The following DDX3X variants were observed in gnomAD, a reference collection of about 807,000 sequenced individuals.
DDX3X encodes the protein DEAD-box helicase 3 X-linked.
A neutral mutation model predicts 52.7 loss-of-function variants in DDX3X; 4 were observed. The observed-to-expected ratio is 0.08, with a 90% confidence interval of 0.04 to 0.17. The LOEUF (loss-of-function observed/expected upper bound fraction) is 0.17, where lower values mean the gene tolerates loss of function less well. Ranked by LOEUF, DDX3X falls within the 10% of genes least tolerant of loss-of-function variation. The probability of loss-of-function intolerance (pLI) is 1.00; values close to 1 mark genes in which losing one functional copy is unlikely to be tolerated. For missense variants in DDX3X, 222 were observed against 548.6 expected (o/e 0.40, Z 5.95); for synonymous variants, 192 against 178.1 (o/e 1.08, Z -0.62).
At position 41,348,481 on chromosome X, in the gene DDX3X, G is replaced by A. The variant is rs2063954243; in HGVS notation, c.*762G>A. 1 of 112,529 alleles carries A rather than the reference G, an allele frequency of 8.9e-6. No individual in the cohort carries two copies. 9.3% of individuals were successfully genotyped at this position (112,529 alleles called of 1,213,427 possible). A position where few individuals can be genotyped will look rare whatever the true frequency, so the allele number is the denominator to read the frequency against. The stretch of plus-strand genomic sequence containing the variant: ...TAAATACAGCAATTCCTCTTTCAAC[G>A]TTTAGGCAGATCATTAATTATGAGC... On this transcript the variant is annotated 3_prime_UTR_variant, in exon 17 of 17. Transcript: ENST00000644876.
intron 5 of DDX3X, among the ~76,000 whole-genome samples, chrX:41,356,676 G>C (rs1186967394): frequency 9.2e-6 from 1 of 108,725 alleles, no homozygotes; most frequent in East Asian, 2.9e-4. Flanking sequence ...GTGTTGGTCA[G>C]GGTGGTCTTG....
Position 41,347,678 on chromosome X carries a change from G to A in DDX3X, c.1948G>A (p.Gly650Arg). 8.3e-7 allele frequency: 1 copy of A among 1,202,946 alleles called. No individual in the cohort carries two copies. Among genetic ancestry groups the A allele is most frequent in the East Asian group, 3.0e-5 (1 of 33,783 alleles). The change falls in exon 17 of 17, where the codon GGA becomes AGA. Residue 650 changes from glycine to arginine, a missense_variant. By Grantham distance (125) the Gly-to-Arg change is moderately radical (BLOSUM62 -2). Coordinates refer to ENST00000644876, the MANE Select transcript of DDX3X (RefSeq NM_001356.5). ...GGFYNSDGYGGNYNSQGVDWW... is the reference protein window; with the variant it reads ...GGFYNSDGYGRNYNSQGVDWW... ...CTTTTACAACAGTGATGGATATGGAGGAAATTATAACTCCCAGGGGGTTGA... is the reference window on the plus strand; with the variant it reads ...CTTTTACAACAGTGATGGATATGGAAGAAATTATAACTCCCAGGGGGTTGA...
intron 12 of DDX3X, chrX:41,345,766 G>T: frequency 2.6e-6 from 1 of 389,483 alleles, no homozygotes; most frequent in Non-Finnish European, 4.4e-6. Flanking sequence ...ACTTAGTGTG[G>T]ACACCTGATA....
intron 1 of DDX3X, chrX:41,334,693 C>T: frequency 2.0e-6 from 2 of 1,012,883 alleles, no homozygotes; most frequent in Non-Finnish European, 2.6e-6. Flanking sequence ...GGGCTTCGGC[C>T]TTCACGGCTG....
chrX:41,356,456 T>A (rs1293783409), intron 5 of DDX3X, among the ~76,000 whole-genome samples: 1 of 83,655 alleles, frequency 1.2e-5, no homozygotes, highest in Non-Finnish European at 2.3e-5. Flanking sequence ...CAGTATTTCT[T>A]TTTTTTTTTT....
intron 1 of DDX3X, chrX:41,334,547 G>T: frequency 9.1e-7 from 1 of 1,094,391 alleles, no homozygotes. Context: ...TGCGTGCGCA[G>T]GCGGGCGGAG....
At chrX:41,343,092 G>C in intron 6 of DDX3X, 124 bp from the exon 7 acceptor site, 2 of 859,360 alleles carry the variant, frequency 2.3e-6, no homozygotes, top group Non-Finnish European at 3.3e-6. Context: ...AAAGTATAAT[G>C]TGATAATTTT....
At chrX:41,334,709 G>T (rs1378334590) in intron 1 of DDX3X, 3 of 999,263 alleles carry the variant, frequency 3.0e-6, no homozygotes, top group African/African-American at 3.9e-5. Flanking sequence ...GGCTGGCGCA[G>T]CCTGGATTCC....
chrX:41,345,424 A>G lies in DDX3X; in HGVS notation c.1191A>G (p.Leu397=), dbSNP rs189401500. 299 of 1,203,537 alleles carry G rather than the reference A, an allele frequency of 2.5e-4. 4 individuals carry two copies. In the East Asian group the frequency reaches 8.2e-3, roughly 33 times the overall value. The change falls in exon 12 of 17, where the codon TTA becomes TTG. Residue 397 remains leucine, a synonymous_variant. Transcript: ENST00000644876. ...KEIQMLARDF[L]DEYIFLAVGR... Reference sequence around the variant, plus strand: ...TTCAGATGCTGGCTCGTGATTTCTTAGATGAATATATCTTCTTGGCTGTAG... The same window carrying G: ...TTCAGATGCTGGCTCGTGATTTCTTGGATGAATATATCTTCTTGGCTGTAG...
At chrX:41,355,645 CT>C (rs36111286) in intron 5 of DDX3X, among the ~76,000 whole-genome samples, 115 of 85,767 alleles carry the variant, frequency 1.3e-3, no homozygotes, top group Middle Eastern at 0.012. Context: ...TTTTCTTTTT[CT>C]TTTTTTTTTT....
intron 15 of DDX3X, 48 bp from the exon 16 acceptor site, chrX:41,347,264 T>C (rs571431714): frequency 2.6e-6 from 3 of 1,158,473 alleles, no homozygotes; most frequent in African/African-American, 3.6e-5. Context: ...TAGGTTACTT[T>C]AGTGGAATTT....
downstream of DDX3X, among the ~76,000 whole-genome samples, chrX:41,353,863 A>G (rs1314092716): frequency 1.8e-5 from 2 of 110,569 alleles, no homozygotes; most frequent in Non-Finnish European, 3.8e-5. Context: ...AGTGACATAG[A>G]GAAAATAACT....
rs138039844 is a variant in DDX3X, at chrX:41,340,866, T to C, written c.152-618T>C. The C allele has an allele frequency of 3.9e-3, 1,156 of 294,737 alleles. 15 individuals carry two copies. Among genetic ancestry groups the C allele is most frequent in the African/African-American group, 0.029 (1,057 of 36,471 alleles). 24.3% of individuals were successfully genotyped at this position (294,737 alleles called of 1,213,427 possible). On this transcript the variant is annotated intron_variant, in intron 3 of 16. Coordinates refer to ENST00000644876, the MANE Select transcript of DDX3X (RefSeq NM_001356.5). ...TCACACCTATAAAATGAATGGAAAT[T>C]AAATTGTTATGGTCACACAACGTCA...
At chrX:41,334,967 AGCCCAGGTTCCGCAGGGTCCGGGG>A (rs1446806393) in intron 1 of DDX3X, 1 of 172,075 alleles carries the variant, frequency 5.8e-6, no homozygotes, top group African/African-American at 3.3e-5. Context: ...TTTTCGCTTC[AGCCCAGGTTCCGCAGGGTCCGGGG>A]GCCCTGCGCC....
At chrX:41,338,352 T>C (rs1266847929) in intron 2 of DDX3X, 1 of 112,055 alleles carries the variant, frequency 8.9e-6, no homozygotes. Flanking sequence ...TTTTAGGAAC[T>C]GATTGTCCTA....
chrX:41,335,681 G>C (rs1051415210), intron 1 of DDX3X: 7 of 112,114 alleles, frequency 6.2e-5, no homozygotes, highest in African/African-American at 2.3e-4. Flanking sequence ...TGAATACATA[G>C]TTTAATGTAG....
Position 41,343,366 on chromosome X carries a change from T to A in DDX3X, c.679+15T>A, listed in dbSNP as rs959358916. 1.7e-6 allele frequency: 2 copies of A among 1,177,903 alleles called. No individual in the cohort carries two copies. Among genetic ancestry groups the A allele is most frequent in the Non-Finnish European group, 2.3e-6 (2 of 881,873 alleles). The stretch of plus-strand genomic sequence containing the variant: ...TGCCCAAACAGGTAAGCTCAACTCA[T>A]AAGAGTAAAACATCATATTTCTTCT... On this transcript the variant is annotated intron_variant, in intron 7 of 16. Transcript: ENST00000644876.
intron 7 of DDX3X, 120 bp downstream of exon 7, chrX:41,343,471 T>C: frequency 1.5e-6 from 1 of 664,130 alleles, no homozygotes; most frequent in Non-Finnish European, 2.2e-6. Flanking sequence ...TATTGGACTG[T>C]GAAAGAAGCC....
intron 5 of DDX3X, among the ~76,000 whole-genome samples, chrX:41,363,509 C>T (rs746596682): frequency 5.7e-5 from 6 of 105,512 alleles, no homozygotes; most frequent in Admixed American, 3.1e-4. Context: ...TCTGGCCGGG[C>T]GCAGTGGCTC....
Sources: allele counts gnomAD v4.1 joint callset (sites outside exome capture counted in the v4.1 genomes callset), GRCh38; gene constraint gnomAD v4.1.1; transcripts MANE v1.5; gene names NCBI Gene and HGNC (gene_info 2026-07-23, HGNC 2026-07-21).